The following INKA2 variants were observed in gnomAD, a reference collection of about 807,000 sequenced individuals.
INKA2 encodes PAK4-inhibitor INKA2.
INKA2 carries 3 observed loss-of-function variants against 9.8 expected under a neutral mutation model. The observed-to-expected ratio is 0.31, with a 90% CI of 0.14 to 0.79. The LOEUF (loss-of-function observed/expected upper bound fraction) is 0.79. Among genes scored for constraint, INKA2 ranks in the 30% least tolerant of loss-of-function variants. The pLI, the probability that INKA2 is intolerant of heterozygous loss-of-function variation, is 0.62. For synonymous variants in INKA2, 147 were observed against 143.3 expected, an observed-to-expected ratio of 1.03 and a Z score of -0.18; for missense variants, 392 against 384.4, an observed-to-expected ratio of 1.02 and a Z score of -0.17.
chr1:111,726,397 G>A lies in INKA2; in HGVS notation c.*571C>T. On this transcript the variant is annotated 3_prime_UTR_variant, in exon 2 of 2. Coordinates refer to ENST00000357260, the MANE Select transcript of INKA2 (RefSeq NM_019099.5). ...GGTATGGACTGAAACCTCCAAGGCA[G>A]AAAGGGCTAGCAGGTCGGGTTTTGC... 2 of 267,234 alleles carry A rather than the reference G, an allele frequency of 7.5e-6. No individual in the cohort carries two copies. Among genetic ancestry groups the A allele is most frequent in the African/African-American group, 2.2e-5 (1 of 45,328 alleles). The allele number at this position is 267,234 out of a possible 1,614,324, so 16.6% of individuals were successfully genotyped here. A position where few individuals can be genotyped will look rare whatever the true frequency, so the allele number is the denominator to read the frequency against.
At chr1:111,730,754 T>C (rs1238860275) in intron 1 of INKA2, among the ~76,000 whole-genome samples, 2 of 152,168 alleles carry the variant, frequency 1.3e-5, no homozygotes, top group East Asian at 1.9e-4. Context: ...TTGTGAAATA[T>C]GTATTGAGTA....
At chr1:111,755,458 G>C in intron 1 of INKA2, 1 of 555,908 alleles carries the variant, frequency 1.8e-6, no homozygotes, top group South Asian at 2.3e-5. Context: ...GGAGCAGCGA[G>C]TCAGGGTACG....
intron 1 of INKA2, among the ~76,000 whole-genome samples, chr1:111,738,404 C>G (rs970624352): frequency 2.0e-5 from 3 of 151,936 alleles, no homozygotes; most frequent in Admixed American, 6.5e-5. Context: ...TTCCACCCCC[C>G]CAGACTGAGC....
At chr1:111,751,932 C>T (rs1426003500) in intron 1 of INKA2, among the ~76,000 whole-genome samples, 2 of 149,354 alleles carry the variant, frequency 1.3e-5, no homozygotes, top group African/African-American at 2.5e-5. Flanking sequence ...AGAAAAATGA[C>T]ATTTCCCAGA....
chr1:111,727,120 CCTT>C lies in INKA2; in HGVS notation c.739_741del (p.Lys247del). On this transcript the variant is annotated inframe_deletion, in exon 2 of 2. Coordinates refer to ENST00000357260, the MANE Select transcript of INKA2 (RefSeq NM_019099.5). ...CCCTTGGAAAGGCTCCGCTTCTTGA[CCTT>C]CTGTGAGCGGCCGGTTCGGGACTCA... The C allele has an allele frequency of 1.9e-6, 3 of 1,614,250 alleles. No homozygotes were observed. Among genetic ancestry groups the C allele is most frequent in the Middle Eastern group, 1.7e-4 (1 of 6,058 alleles).
Position 111,723,928 on chromosome 1 carries a change from A to G in INKA2, c.*3040T>C, listed in dbSNP as rs550848209. On this transcript the variant is annotated 3_prime_UTR_variant, in exon 2 of 2. Transcript: ENST00000357260. ...TTGTTCCTCTTGATTTGGCTTTGGA[A>G]CAGATATGGACAATTAGTGGGATCG... The G allele has an allele frequency of 6.6e-6, 1 of 152,382 alleles. No individual in the cohort carries two copies. Among genetic ancestry groups the G allele is most frequent in the East Asian group, 1.9e-4 (1 of 5,188 alleles). The allele number at this position is 152,382 out of a possible 1,614,324, so 9.4% of individuals were successfully genotyped here.
intron 1 of INKA2, chr1:111,746,172 G>A (rs986103294): frequency 2.0e-5 from 3 of 152,210 alleles, no homozygotes; most frequent in African/African-American, 4.8e-5. Context: ...GCTTCTGTGC[G>A]GGCTTTTGCT....
chr1:111,747,733 G>C (rs1225605032), intron 1 of INKA2: 1 of 152,218 alleles, frequency 6.6e-6, no homozygotes, highest in South Asian at 2.1e-4. Flanking sequence ...GAAAGGGGTG[G>C]ATGTGTCAAT....
chr1:111,754,085 G>A (rs1202685103), intron 1 of INKA2: 2 of 152,192 alleles, frequency 1.3e-5, no homozygotes, highest in East Asian at 3.8e-4. Flanking sequence ...CTAAAATATA[G>A]GGCAGATTCT....
upstream of INKA2, among the ~76,000 whole-genome samples, chr1:111,740,971 TAAAAAAAAAAA>T (rs869221820): frequency 4.4e-4 from 17 of 38,404 alleles, 2 homozygotes; most frequent in African/African-American, 1.6e-3. Context: ...AAACTCCGTT[TAAAAAAAAAAA>T]AAAAAAAAAA....
At position 111,727,753 on chromosome 1, in the gene INKA2, T is replaced by C. The variant is rs1416598417; in HGVS notation, c.109A>G (p.Met37Val). The change falls in exon 2 of 2, where the codon ATG (methionine) becomes GTG (valine). Residue 37 changes from methionine to valine, a missense_variant. Physicochemically the swap from Met to Val is conservative, Grantham distance 21. Transcript: ENST00000357260. ...DGLQDQMNCM[M>V]GALQELKLLQ... ...AGCTTCAGTTCTTGCAGTGCACCCA[T>C]CATGCAGTTCATCTGATCCTGTAAG... 6.2e-7 allele frequency: 1 copy of C among 1,612,314 alleles called. No individual in the cohort carries two copies. Among genetic ancestry groups the C allele is most frequent in the Admixed American group, 1.7e-5 (1 of 60,004 alleles).
intron 1 of INKA2, among the ~76,000 whole-genome samples, chr1:111,749,910 T>A (rs1235486206): frequency 6.6e-6 from 1 of 150,804 alleles, no homozygotes; most frequent in Non-Finnish European, 1.5e-5. Context: ...GCTTTATCAA[T>A]TAAATTCCAC....
intron 1 of INKA2, among the ~76,000 whole-genome samples, chr1:111,728,989 C>T (rs139373342): frequency 8.0e-4 from 115 of 143,530 alleles, no homozygotes; most frequent in African/African-American, 2.9e-3. Context: ...TCATAGTGGA[C>T]GGCAGCCTCT....
At chr1:111,743,753 C>G (rs1167346444), upstream of INKA2, among the ~76,000 whole-genome samples, 1 of 152,138 alleles carries the variant, frequency 6.6e-6, no homozygotes, top group Non-Finnish European at 1.5e-5. Flanking sequence ...GGTCACATAC[C>G]AGTCTGGAAA....
At chr1:111,754,235 C>T (rs1001660937) in intron 1 of INKA2, 4 of 152,186 alleles carry the variant, frequency 2.6e-5, no homozygotes, top group African/African-American at 9.7e-5. Flanking sequence ...GAGGTGAGGG[C>T]ACTAAGAGGA....
chr1:111,727,749 C>T lies in INKA2; in HGVS notation c.113G>A (p.Gly38Asp). The T allele has an allele frequency of 6.2e-7, 1 of 1,612,956 alleles. No individual in the cohort carries two copies. The highest frequency in any genetic ancestry group is 8.5e-7 in the Non-Finnish European group (1 of 1,180,038). ...GAGGAGCTTCAGTTCTTGCAGTGCACCCATCATGCAGTTCATCTGATCCTG... is the reference window on the plus strand; with the variant it reads ...GAGGAGCTTCAGTTCTTGCAGTGCATCCATCATGCAGTTCATCTGATCCTG... Reference protein sequence around the residue: ...GLQDQMNCMMGALQELKLLQV... With the variant: ...GLQDQMNCMMDALQELKLLQV... The change falls in exon 2 of 2, where the codon GGT becomes GAT. Residue 38 changes from glycine to aspartate, a missense_variant. Physicochemically the swap from Gly to Asp is moderately conservative, Grantham distance 94. Transcript: ENST00000357260.
chr1:111,754,437 G>A (rs1047524055), intron 1 of INKA2: 7 of 152,170 alleles, frequency 4.6e-5, no homozygotes, highest in African/African-American at 1.7e-4. Context: ...TGTCAAGGGG[G>A]TAGGGACAAT....
intron 1 of INKA2, chr1:111,754,112 A>G (rs1481150021): frequency 1.3e-5 from 2 of 152,254 alleles, no homozygotes; most frequent in African/African-American, 4.8e-5. Flanking sequence ...ACTGAAGAAG[A>G]ATGGGTGAAA....
At position 111,727,343 on chromosome 1, in the gene INKA2, T is replaced by G. The variant is rs566233218; in HGVS notation, c.519A>C (p.Pro173=). The change falls in exon 2 of 2, where the codon CCA becomes CCC. Residue 173 remains proline, a synonymous_variant. Coordinates refer to ENST00000357260, the MANE Select transcript of INKA2 (RefSeq NM_019099.5). ...CCTTCTCCCCACCCTTCTCCAGTTC[T>G]GGCAAGTCTAGCCAATTGCCCACCA... ...ADLVGNWLDL[P]ELEKGGEKGE... The G allele has an allele frequency of 1.8e-4, 291 of 1,614,172 alleles. 1 individual carries two copies. In the South Asian group the frequency reaches 3.1e-3, roughly 17 times the overall value.
Sources: allele counts gnomAD v4.1 joint callset (sites outside exome capture counted in the v4.1 genomes callset), GRCh38; gene constraint gnomAD v4.1.1; transcripts MANE v1.5; gene names NCBI Gene and HGNC (gene_info 2026-07-23, HGNC 2026-07-21).